STK11IP: variants seen among roughly 807,000 people sequenced by gnomAD.
STK11IP encodes serine/threonine-protein kinase 11-interacting protein.
STK11IP carries 103 observed loss-of-function variants against 131.7 expected under a neutral mutation model. The observed-to-expected ratio is 0.78, with a 90% confidence interval of 0.67 to 0.92. The LOEUF (loss-of-function observed/expected upper bound fraction) is 0.92, where lower values mean the gene tolerates loss of function less well. Among genes scored for constraint, STK11IP ranks in the 40% least tolerant of loss-of-function variants. The pLI is 0.00. For synonymous variants in STK11IP, 557 were observed against 575.6 expected, an observed-to-expected ratio of 0.97 and a Z score of 0.46; for missense variants, 1,315 against 1,385.7, an observed-to-expected ratio of 0.95 and a Z score of 0.81.
chr2:219,605,873 T>C, intron 8 of STK11IP, 83 bp from the exon 9 acceptor site: 2 of 1,481,592 alleles, frequency 1.3e-6, no homozygotes, highest in Non-Finnish European at 1.8e-6. Context: ...GTCTTTCTGC[T>C]GCAACCTCCC....
At position 219,605,703 on chromosome 2, in the gene STK11IP, A is replaced by T. The variant is rs1417861170; in HGVS notation, c.714A>T (p.Ile238=). The part of the protein sequence containing the change: ...GPSGAALGVL[I]LRGNELRSLH... The stretch of plus-strand genomic sequence containing the variant: ...CAGGGGCTGCTCTGGGGGTCCTGAT[A>T]CTGCGAGGCAATGAGCTTCGGAGCC... Residue 238 remains isoleucine, a synonymous_variant, in exon 8 of 25, where the codon ATA becomes ATT. Coordinates refer to ENST00000456909, the MANE Select transcript of STK11IP (RefSeq NM_052902.4). 1.3e-6 allele frequency: 2 copies of T among 1,587,498 alleles called. No homozygotes were observed. Among genetic ancestry groups the T allele is most frequent in the African/African-American group, 2.7e-5 (2 of 74,488 alleles).
At chr2:219,613,283 A>ATGGGGTGAGTTGGGGGGAGG (rs1698454422) in intron 20 of STK11IP, 58 bp downstream of exon 20, 2 of 109,088 alleles carry the variant, frequency 1.8e-5, no homozygotes, top group Non-Finnish European at 1.7e-5. Flanking sequence ...TTGGGGGGAG[A>ATGGGGTGAGTTGGGGGGAGG]TGGGGGAGTG....
chr2:219,606,963 A>G (rs2106155484), intron 12 of STK11IP, 90 bp from the exon 13 acceptor site: 1 of 1,601,062 alleles, frequency 6.2e-7, no homozygotes, highest in Non-Finnish European at 8.5e-7. Flanking sequence ...GCACGTGGTC[A>G]AGGTTTCTTT....
chr2:219,608,950 G>C, intron 15 of STK11IP, 147 bp from the exon 16 acceptor site: 1 of 1,030,860 alleles, frequency 9.7e-7, no homozygotes. Flanking sequence ...GGGCTGAGGA[G>C]CAGGGATTCT....
At position 219,598,185 on chromosome 2, in the gene STK11IP, G is replaced by GT. The variant is rs1697859345; in HGVS notation, c.61+6dup. 1 of 1,545,932 alleles carries GT rather than the reference G, an allele frequency of 6.5e-7. No homozygotes were observed. Among genetic ancestry groups the GT allele is most frequent in the African/African-American group, 1.4e-5 (1 of 72,684 alleles). On this transcript the variant is annotated splice_donor_region_variant and intron_variant, in intron 2 of 24. Coordinates refer to ENST00000456909, the MANE Select transcript of STK11IP (RefSeq NM_052902.4). ...CGGGGTTGCTGCGGGAGTCCGGTGA[G>GT]TGGACTTCCGGTTGGGCTGGGCCTC... is the stretch of plus-strand genomic sequence containing the variant.
In STK11IP at chr2:219,606,484, C is replaced by A. The variant is rs761533995; in HGVS notation, c.954C>A (p.Leu318=). 1 of 1,612,180 alleles carries A rather than the reference C, an allele frequency of 6.2e-7. No individual in the cohort carries two copies. The highest frequency in any genetic ancestry group is 1.7e-5 in the Admixed American group (1 of 59,724). Residue 318 remains leucine, a synonymous_variant, in exon 11 of 25, where the codon CTC becomes CTA. Transcript: ENST00000456909. ...RARDAATGFL[L]DGKVLSLTDF... is the part of the protein sequence containing the mutation. ...TTTTTGTCTTTGCTCAGTTCCTTCT[C>A]GATGGCAAGGTCTTGTCACTGACAG...
chr2:219,608,862 T>A, intron 15 of STK11IP, 74 bp downstream of exon 15: 1 of 1,415,972 alleles, frequency 7.1e-7, no homozygotes, highest in Non-Finnish European at 9.5e-7. Flanking sequence ...TGCACTGGGC[T>A]GGGCATTTCT....
chr2:219,615,031 C>T (rs1470864705), intron 23 of STK11IP, 63 bp from the exon 24 acceptor site: 24 of 1,547,500 alleles, frequency 1.6e-5, no homozygotes, highest in Admixed American at 5.4e-5. Context: ...AGCACTGGGA[C>T]GCTGGCCCCA....
intron 17 of STK11IP, among the ~76,000 whole-genome samples, chr2:219,610,439 G>T (rs1395071628): frequency 6.6e-6 from 1 of 150,410 alleles, no homozygotes. Flanking sequence ...GTCTCGCTCT[G>T]TTGCCCAGGC....
chr2:219,607,948 C>G, intron 13 of STK11IP, 99 bp from the exon 14 acceptor site: 1 of 1,492,024 alleles, frequency 6.7e-7, no homozygotes, highest in Admixed American at 2.1e-5. Context: ...TCCCCATACA[C>G]AGCCCATCGC....
At chr2:219,600,431 A>G (rs982870497) in intron 2 of STK11IP, among the ~76,000 whole-genome samples, 4 of 152,212 alleles carry the variant, frequency 2.6e-5, no homozygotes, top group Non-Finnish European at 5.9e-5. Context: ...TACTATAGCT[A>G]TATAAAATGT....
intron 8 of STK11IP, 62 bp from the exon 9 acceptor site, chr2:219,605,893 GC>G: frequency 6.7e-7 from 1 of 1,493,580 alleles, no homozygotes. Flanking sequence ...CCCAGTGCAT[GC>G]ACCACACTCA....
intron 6 of STK11IP, 63 bp downstream of exon 6, chr2:219,602,638 G>A (rs567813843): frequency 3.7e-6 from 6 of 1,611,056 alleles, no homozygotes; most frequent in Middle Eastern, 1.7e-4. Flanking sequence ...GGGGAGGAGG[G>A]CCAGCTGGTT....
Position 219,613,119 on chromosome 2 carries a change from T to C in STK11IP, c.2440-9T>C, listed in dbSNP as rs1698445791. 2 of 1,610,330 alleles carry C rather than the reference T, an allele frequency of 1.2e-6. No homozygotes were observed. The highest frequency in any genetic ancestry group is 2.7e-5 in the African/African-American group (2 of 74,888). ...CATCAGGTTTCTCACCAACTTCCTC[T>C]TCCCCCAGGTGCCAGTGGCATTGGC... On this transcript the variant is annotated splice_polypyrimidine_tract_variant and intron_variant, in intron 19 of 24. Coordinates refer to ENST00000456909, the MANE Select transcript of STK11IP (RefSeq NM_052902.4).
intron 2 of STK11IP, chr2:219,598,397 A>T: frequency 2.1e-6 from 1 of 482,732 alleles, no homozygotes; most frequent in Non-Finnish European, 3.6e-6. Context: ...AAAGGGCGGT[A>T]TCCCTCCCTC....
At position 219,614,437 on chromosome 2, in the gene STK11IP, C is replaced by T. The variant is rs754983320; in HGVS notation, c.2799-39C>T. 91 of 1,606,570 alleles carry T rather than the reference C, an allele frequency of 5.7e-5. 1 individual carries two copies. The highest frequency in any genetic ancestry group is 4.3e-4 in the South Asian group (39 of 90,828). ...CCCCTCTCTTCAAGTCCTTCCCACC[C>T]GCTAGCTGATCTTCCTGTGCCTGCC... On this transcript the variant is annotated intron_variant, in intron 22 of 24. Coordinates refer to ENST00000456909, the MANE Select transcript of STK11IP (RefSeq NM_052902.4).
chr2:219,608,171 C>G lies in STK11IP; in HGVS notation c.1344C>G (p.Pro448=), dbSNP rs771356049. 6.2e-7 allele frequency: 1 copy of G among 1,613,666 alleles called. No individual in the cohort carries two copies. Among genetic ancestry groups the G allele is most frequent in the Non-Finnish European group, 8.5e-7 (1 of 1,179,896 alleles). ...CCGGAAACCCTCTGCCGGCCACCCC[C>G]ACTACTTCTGCACCCAGTGCACCTC... ...EPSGNPLPAT[P]TTSAPSAPPA... is the part of the protein sequence containing the mutation. The change falls in exon 14 of 25, where the codon CCC becomes CCG. Residue 448 remains proline, a synonymous_variant. Coordinates refer to ENST00000456909, the MANE Select transcript of STK11IP (RefSeq NM_052902.4).
Position 219,613,516 on chromosome 2 carries a change from G to A in STK11IP, c.2538-236G>A, listed in dbSNP as rs530627318. On this transcript the variant is annotated intron_variant, in intron 20 of 24. Coordinates refer to ENST00000456909, the MANE Select transcript of STK11IP (RefSeq NM_052902.4). ...GAGTGAAGGGGGAGATGGGGTGAGT[G>A]GGGGGCGGAGATGGGGTGAGTGGGG... Among the ~76,000 whole-genome samples the A allele has an allele frequency of 5.1e-3, 211 of 41,622 alleles. 4 individuals are homozygous for A. The highest frequency in any genetic ancestry group is 5.7e-3 in the Non-Finnish European group (124 of 21,794). The allele number at this position is 41,622 out of a possible 152,430, so 27.3% of individuals were successfully genotyped here. A position where few individuals can be genotyped will look rare whatever the true frequency, so the allele number is the denominator to read the frequency against.
intron 12 of STK11IP, 87 bp downstream of exon 12, chr2:219,606,945 C>T: frequency 6.3e-7 from 1 of 1,590,400 alleles, no homozygotes; most frequent in Non-Finnish European, 8.6e-7. Flanking sequence ...ATGGTAGGAA[C>T]TGTGCTTGCA....
Sources: gnomAD v4.1 joint callset for allele counts (sites outside exome capture counted in the v4.1 genomes callset) on GRCh38, gnomAD v4.1.1 for gene constraint, MANE v1.5 for transcripts, NCBI Gene and HGNC (gene_info 2026-07-23, HGNC 2026-07-21) for gene names.